R3HDM2: variants seen among roughly 807,000 people sequenced by gnomAD.
R3HDM2 encodes R3H domain-containing protein 2.
Under a neutral mutation model 124.5 loss-of-function variants are expected in R3HDM2, and 38 were observed. The ratio of observed to expected loss-of-function variants is 0.31; its 90% CI spans 0.24 to 0.40. R3HDM2 has a LOEUF of 0.40. Ranked by LOEUF, R3HDM2 falls within the 10% of genes least tolerant of loss-of-function variation. The pLI, the probability that R3HDM2 is intolerant of heterozygous loss-of-function variation, is 1.00. For missense variants in R3HDM2, 869 were observed against 1,236.9 expected (o/e 0.70, Z 4.46); for synonymous variants, 391 against 448.0 (o/e 0.87, Z 1.61).
intron 17 of R3HDM2, 68 bp from the exon 18 acceptor site, chr12:57,268,525 G>A: frequency 3.3e-6 from 5 of 1,511,638 alleles, no homozygotes; most frequent in Admixed American, 1.7e-5. Flanking sequence ...AAACAGCCTA[G>A]TCATCACGAG....
At chr12:57,356,858 C>G (rs759123914) in intron 2 of R3HDM2, among the ~76,000 whole-genome samples, 1 of 152,200 alleles carries the variant, frequency 6.6e-6, no homozygotes, top group African/African-American at 2.4e-5. Flanking sequence ...CGCCTGTAAT[C>G]CGGCTTTGGG....
chr12:57,332,196 G>A (rs1435371248), intron 2 of R3HDM2, among the ~76,000 whole-genome samples: 16 of 151,810 alleles, frequency 1.1e-4, no homozygotes, highest in Admixed American at 1.1e-3. Context: ...GATTGCTTGA[G>A]CCTAGGATTT....
intron 2 of R3HDM2, among the ~76,000 whole-genome samples, chr12:57,312,817 T>G (rs1269459579): frequency 6.6e-6 from 1 of 151,312 alleles, no homozygotes; most frequent in Non-Finnish European, 1.5e-5. Flanking sequence ...GCCTCCCAGC[T>G]GCTTGGGAGA....
chr12:57,310,510 T>A, intron 2 of R3HDM2, 47 bp from the exon 3 acceptor site: 1 of 1,050,580 alleles, frequency 9.5e-7, no homozygotes, highest in South Asian at 3.5e-5. Flanking sequence ...TATCCATACT[T>A]AACAAATACA....
At chr12:57,366,772 C>G (rs1165923549) in intron 2 of R3HDM2, among the ~76,000 whole-genome samples, 1 of 152,168 alleles carries the variant, frequency 6.6e-6, no homozygotes, top group Non-Finnish European at 1.5e-5. Flanking sequence ...TCACTGCAAG[C>G]TCTGCCTCCC....
intron 2 of R3HDM2, among the ~76,000 whole-genome samples, chr12:57,390,782 G>A (rs748926092): frequency 1.6e-4 from 24 of 152,042 alleles, no homozygotes; most frequent in Admixed American, 2.6e-4. Context: ...GAGGTGAGGC[G>A]GGTGGATTAC....
intron 2 of R3HDM2, among the ~76,000 whole-genome samples, chr12:57,373,741 A>G (rs953048882): frequency 5.3e-5 from 8 of 152,098 alleles, no homozygotes; most frequent in Admixed American, 3.9e-4. Flanking sequence ...TGAACCCAGG[A>G]GGCAGAGGTT....
chr12:57,405,892 G>A (rs2068480940), intron 1 of R3HDM2, among the ~76,000 whole-genome samples: 1 of 152,106 alleles, frequency 6.6e-6, no homozygotes, highest in Non-Finnish European at 1.5e-5. Context: ...TGTAAAAGAT[G>A]ATCTTCGGTC....
chr12:57,265,544 AAAAGAAAAAGAAAAAAGAAAAAC>A (rs2042124494), intron 19 of R3HDM2, among the ~76,000 whole-genome samples: 1 of 151,738 alleles, frequency 6.6e-6, no homozygotes, highest in African/African-American at 2.4e-5. Flanking sequence ...AAAAGAAAAG[AAAAGAAAAAGAAAAAAGAAAAAC>A]AAAGAAAACT....
In R3HDM2 at chr12:57,300,133, A is replaced by T; in HGVS notation, c.256T>A (p.Ser86Thr). The T allele has an allele frequency of 3.2e-6, 5 of 1,551,432 alleles. No individual in the cohort carries two copies. Among genetic ancestry groups the T allele is most frequent in the Non-Finnish European group, 4.4e-6 (5 of 1,146,888 alleles). Residue 86 changes from serine (S) to threonine (T), a missense_variant, in exon 5 of 24, where the codon TCC becomes ACC. Coordinates refer to ENST00000402412, the MANE Select transcript of R3HDM2 (RefSeq NM_001394031.1). Reference protein sequence around the residue: ...LVRSLAVCEESSTPFADGPLE... With the variant: ...LVRSLAVCEETSTPFADGPLE... Reference sequence around the variant, plus strand: ...GGCCCATCAGCAAATGGGGTGGAGGACTCCTCACACACTGCCAGGCTACGC... The same window carrying T: ...GGCCCATCAGCAAATGGGGTGGAGGTCTCCTCACACACTGCCAGGCTACGC...
chr12:57,411,035 T>A (rs2068956496), intron 1 of R3HDM2, among the ~76,000 whole-genome samples: 1 of 152,210 alleles, frequency 6.6e-6, no homozygotes, highest in Non-Finnish European at 1.5e-5. Context: ...GCAGCTCATT[T>A]ATTAAGTAAT....
At chr12:57,287,039 C>T (rs377110702) in intron 12 of R3HDM2, among the ~76,000 whole-genome samples, 6 of 152,288 alleles carry the variant, frequency 3.9e-5, no homozygotes, top group African/African-American at 1.2e-4. Context: ...AAATGTAACA[C>T]TACTAAGAGA....
At chr12:57,405,293 T>C (rs1443417613) in intron 1 of R3HDM2, among the ~76,000 whole-genome samples, 1 of 152,200 alleles carries the variant, frequency 6.6e-6, no homozygotes, top group Non-Finnish European at 1.5e-5. Context: ...TGAGTACATA[T>C]TACTTTTGTA....
chr12:57,344,773 A>G (rs890653843), intron 2 of R3HDM2, among the ~76,000 whole-genome samples: 1 of 152,162 alleles, frequency 6.6e-6, no homozygotes, highest in African/African-American at 2.4e-5. Flanking sequence ...AGAGGTATCA[A>G]ATGTGAACAC....
At chr12:57,379,885 C>T (rs1242121959) in intron 2 of R3HDM2, among the ~76,000 whole-genome samples, 1 of 151,874 alleles carries the variant, frequency 6.6e-6, no homozygotes, top group African/African-American at 2.4e-5. Context: ...GGACAGTTTC[C>T]TTAAAAATGA....
intron 1 of R3HDM2, among the ~76,000 whole-genome samples, chr12:57,429,044 C>G (rs898413096): frequency 2.6e-5 from 4 of 152,086 alleles, no homozygotes; most frequent in Admixed American, 2.6e-4. Context: ...CCGTGCCCGG[C>G]CAGTCAGGCA....
At chr12:57,281,075 G>A (rs1174630179) in intron 13 of R3HDM2, among the ~76,000 whole-genome samples, 1 of 152,060 alleles carries the variant, frequency 6.6e-6, no homozygotes, top group Non-Finnish European at 1.5e-5. Context: ...CTGAGGTCAG[G>A]AGTTTGAGAC....
chr12:57,402,505 T>C (rs1488214301), intron 1 of R3HDM2, among the ~76,000 whole-genome samples: 5 of 152,094 alleles, frequency 3.3e-5, no homozygotes, highest in Non-Finnish European at 7.4e-5. Flanking sequence ...TCCAGCTAAT[T>C]TTTATATTTT....
At chr12:57,387,684 A>G (rs1424472796) in intron 2 of R3HDM2, among the ~76,000 whole-genome samples, 2 of 152,228 alleles carry the variant, frequency 1.3e-5, no homozygotes, top group African/African-American at 4.8e-5. Context: ...TGAGTGAATA[A>G]TATTTCTACT....
Sources: gnomAD v4.1 joint callset for allele counts (sites outside exome capture counted in the v4.1 genomes callset) on GRCh38, gnomAD v4.1.1 for gene constraint, MANE v1.5 for transcripts, NCBI Gene and HGNC (gene_info 2026-07-23, HGNC 2026-07-21) for gene names.